ATXN7: variants seen among roughly 807,000 people sequenced by gnomAD.
ATXN7 encodes ataxin-7.
Under a neutral mutation model 70.5 loss-of-function variants are expected in ATXN7, and 12 were observed. The observed-to-expected ratio is 0.17, with a 90% CI of 0.11 to 0.28. The LOEUF is 0.28. Ranked by LOEUF, ATXN7 falls within the 10% of genes least tolerant of loss-of-function variation. ATXN7 has a pLI of 1.00. For missense variants in ATXN7, 1,256 were observed against 1,131.7 expected (o/e 1.11, Z -1.58); for synonymous variants, 498 against 448.7 (o/e 1.11, Z -1.39).
intron 1 of ATXN7, among the ~76,000 whole-genome samples, chr3:63,867,654 G>A (rs560481227): frequency 1.3e-5 from 2 of 149,916 alleles, no homozygotes; most frequent in African/African-American, 5.1e-5. Flanking sequence ...GAGGTAGGCC[G>A]AGGCGGGTGG....
chr3:63,988,336 C>G lies in ATXN7; in HGVS notation c.1361+12C>G. ...CCCAGTCTTCCAAGGTAAGCCAGGC[C>G]CTCCAACTCTTTCTCCCACCTTCAG... On this transcript the variant is annotated intron_variant, in intron 9 of 12. Transcript: ENST00000674280. 1 of 1,613,648 alleles carries G rather than the reference C, an allele frequency of 6.2e-7. No homozygotes were observed. Among genetic ancestry groups the G allele is most frequent in the Non-Finnish European group, 8.5e-7 (1 of 1,179,872 alleles).
chr3:63,967,883 G>A, intron 5 of ATXN7: 2 of 1,535,872 alleles, frequency 1.3e-6, no homozygotes, highest in South Asian at 1.2e-5. Context: ...AGTAGCAAGT[G>A]TGCAATGAAG....
chr3:63,918,138 A>C (rs1472549262), intron 4 of ATXN7, among the ~76,000 whole-genome samples: 2 of 152,166 alleles, frequency 1.3e-5, no homozygotes, highest in East Asian at 1.9e-4. Context: ...GGCAAGATGG[A>C]AAAGTGTGTG....
chr3:63,921,902 C>T (rs1265554054), intron 4 of ATXN7, among the ~76,000 whole-genome samples: 1 of 152,140 alleles, frequency 6.6e-6, no homozygotes, highest in East Asian at 1.9e-4. Context: ...AGTCATCAGC[C>T]AGGACTGTCA....
chr3:63,871,719 GT>G (rs1156736279), intron 1 of ATXN7, among the ~76,000 whole-genome samples: 2 of 152,084 alleles, frequency 1.3e-5, no homozygotes, highest in Non-Finnish European at 2.9e-5. Context: ...TTAGAATAGG[GT>G]TTTAGTCATC....
intron 11 of ATXN7, among the ~76,000 whole-genome samples, chr3:63,994,320 C>CA (rs1429032020): frequency 2.6e-5 from 4 of 152,240 alleles, no homozygotes; most frequent in African/African-American, 9.6e-5. Flanking sequence ...CTGTGACCTC[C>CA]ACCTCCCCGG....
At chr3:63,883,344 C>A (rs1702974912) in intron 1 of ATXN7, among the ~76,000 whole-genome samples, 1 of 152,104 alleles carries the variant, frequency 6.6e-6, no homozygotes, top group African/African-American at 2.4e-5. Flanking sequence ...TAGCATAGTC[C>A]ATTTGTTAAT....
Position 63,982,194 on chromosome 3 carries a change from C to G in ATXN7, c.761C>G (p.Pro254Arg), listed in dbSNP as rs747629373. Residue 254 changes from proline (P) to arginine (R), a missense_variant, in exon 7 of 13, where the codon CCC becomes CGC. By Grantham distance (103) the Pro-to-Arg change is moderately radical. Transcript: ENST00000674280. The stretch of plus-strand genomic sequence containing the variant: ...ACTTCCTCCTGTGACAGCATGACAC[C>G]CTCTGTGAAAGTGGAAAAGATTCAT... ...SRVPHGRIMT[P>R]SVKVEKIHPK... The G allele has an allele frequency of 5.6e-6, 9 of 1,613,918 alleles. No homozygotes were observed. Among genetic ancestry groups the G allele is most frequent in the Non-Finnish European group, 5.9e-6 (7 of 1,180,018 alleles).
chr3:63,894,422 A>G (rs1176140472), intron 1 of ATXN7, among the ~76,000 whole-genome samples: 2 of 152,216 alleles, frequency 1.3e-5, no homozygotes, highest in African/African-American at 4.8e-5. Context: ...GAGTATCAAG[A>G]TGGAGAGAAA....
At chr3:63,937,192 C>T (rs1476600650) in intron 4 of ATXN7, among the ~76,000 whole-genome samples, 2 of 152,030 alleles carry the variant, frequency 1.3e-5, no homozygotes, top group Non-Finnish European at 2.9e-5. Flanking sequence ...GGCAGTGTGT[C>T]GACTGTTTTT....
intron 5 of ATXN7, among the ~76,000 whole-genome samples, chr3:63,979,531 G>T (rs1346137753): frequency 1.3e-5 from 2 of 152,320 alleles, no homozygotes; most frequent in Middle Eastern, 3.4e-3. Flanking sequence ...ATTGCTTGCA[G>T]TGTCATTTAG....
rs1323226310 is a variant in ATXN7, at chr3:64,001,825, A to G, written c.*2358A>G. ...CTACTTTTTATGGTGATGAATAATT[A>G]AGACCATTTAAAACACGGGAGTACA... On this transcript the variant is annotated 3_prime_UTR_variant, in exon 13 of 13. Coordinates refer to ENST00000674280, the MANE Select transcript of ATXN7 (RefSeq NM_001377405.1). The G allele has an allele frequency of 6.6e-6, 1 of 152,212 alleles. No homozygotes were observed. The highest frequency in any genetic ancestry group is 2.4e-5 in the African/African-American group (1 of 41,460). 9.4% of individuals were successfully genotyped at this position (152,212 alleles called of 1,614,324 possible). A position where few individuals can be genotyped will look rare whatever the true frequency, so the allele number is the denominator to read the frequency against.
chr3:63,996,395 A>G lies in ATXN7; in HGVS notation c.2573A>G (p.Lys858Arg). 1 of 1,614,176 alleles carries G rather than the reference A, an allele frequency of 6.2e-7. No individual in the cohort carries two copies. Among genetic ancestry groups the G allele is most frequent in the Non-Finnish European group, 8.5e-7 (1 of 1,180,038 alleles). Residue 858 changes from lysine (K) to arginine (R), a missense_variant, in exon 12 of 13, where the codon AAA becomes AGA. Transcript: ENST00000674280. ...AGCAGCAAACCCACAAAGGTTGCCA[A>G]AGTGCCAGCCGTGAACAATGTCCAC... ...NSSSKPTKVA[K>R]VPAVNNVHMK...
intron 7 of ATXN7, among the ~76,000 whole-genome samples, 175 bp downstream of exon 7, chr3:63,982,620 A>G (rs1242602452): frequency 1.2e-5 from 1 of 81,166 alleles, no homozygotes; most frequent in Non-Finnish European, 2.4e-5. Context: ...TTTAAAGAGC[A>G]TGAGTGTGTG....
At chr3:63,949,133 A>G (rs1412872868) in intron 4 of ATXN7, among the ~76,000 whole-genome samples, 3 of 152,170 alleles carry the variant, frequency 2.0e-5, no homozygotes, top group Non-Finnish European at 4.4e-5. Flanking sequence ...ATATTTAGGA[A>G]CATACATACT....
At chr3:63,930,629 T>A (rs1367616368) in intron 4 of ATXN7, among the ~76,000 whole-genome samples, 1 of 152,050 alleles carries the variant, frequency 6.6e-6, no homozygotes, top group African/African-American at 2.4e-5. Context: ...CCTCCCGGGT[T>A]CACCCCATTC....
rs374613318 is a variant in ATXN7, at chr3:63,896,430, AT to A, written c.-110-1967del. ...TAACTATTTCTCTTTGCAAAACAAA[AT>A]TAAGTTGCCATTGAGGCAGTTTGGT... On this transcript the variant is annotated intron_variant, in intron 1 of 12. Coordinates refer to ENST00000674280, the MANE Select transcript of ATXN7 (RefSeq NM_001377405.1). Among the ~76,000 whole-genome samples the A allele has an allele frequency of 2.8e-4, 42 of 152,354 alleles. No individual in the cohort carries two copies. The East Asian group carries it at 7.7e-3, about 28-fold the overall frequency.
Position 63,999,475 on chromosome 3 carries a change from A to G in ATXN7, c.*8A>G. ...CCAAAGGCACGTCCCTGACAGCTGA[A>G]AATAGCACGGGGAGGAATAATGCGG... On this transcript the variant is annotated 3_prime_UTR_variant, in exon 13 of 13. Transcript: ENST00000674280. 1 of 1,613,992 alleles carries G rather than the reference A, an allele frequency of 6.2e-7. No homozygotes were observed. Among genetic ancestry groups the G allele is most frequent in the Non-Finnish European group, 8.5e-7 (1 of 1,179,982 alleles).
intron 2 of ATXN7, among the ~76,000 whole-genome samples, chr3:63,900,070 A>G (rs1395628232): frequency 6.6e-6 from 1 of 151,960 alleles, no homozygotes; most frequent in African/African-American, 2.4e-5. Context: ...AGCGGCAGCA[A>G]GACCCCATGT....
Sources: gnomAD v4.1 joint callset for allele counts (sites outside exome capture counted in the v4.1 genomes callset) on GRCh38, gnomAD v4.1.1 for gene constraint, MANE v1.5 for transcripts, NCBI Gene and HGNC (gene_info 2026-07-23, HGNC 2026-07-21) for gene names.